FGD4: variants seen among roughly 807,000 people sequenced by gnomAD.
FGD4 encodes the protein FYVE, RhoGEF and PH domain-containing protein 4.
In FGD4, 42 loss-of-function variants were observed where a neutral mutation model predicts 102.0. The ratio of observed to expected loss-of-function variants is 0.41; its 90% CI spans 0.32 to 0.53. The LOEUF is 0.53. Among genes scored for constraint, FGD4 ranks in the 20% least tolerant of loss-of-function variants. The pLI is 0.21. For missense variants in FGD4, 902 were observed against 1,078.2 expected (o/e 0.84, Z 2.29); for synonymous variants, 380 against 375.7 (o/e 1.01, Z -0.13).
chr12:32,435,421 G>A (rs1357995351), intron 1 of FGD4, among the ~76,000 whole-genome samples: 1 of 151,566 alleles, frequency 6.6e-6, no homozygotes, highest in South Asian at 2.1e-4. Flanking sequence ...AAGTTATGAA[G>A]GATTAAATAG....
chr12:32,508,915 C>T (rs1432017936), intron 1 of FGD4, among the ~76,000 whole-genome samples: 4 of 152,220 alleles, frequency 2.6e-5, no homozygotes, highest in African/African-American at 4.8e-5. Flanking sequence ...TGTTTGGGTG[C>T]GTGCGCACAC....
At chr12:32,462,363 G>A (rs1320486864) in intron 1 of FGD4, among the ~76,000 whole-genome samples, 1 of 151,926 alleles carries the variant, frequency 6.6e-6, no homozygotes, top group Non-Finnish European at 1.5e-5. Flanking sequence ...GTTTCATCAT[G>A]TTGGCCAGAC....
chr12:32,417,209 T>G (rs1941454771), intron 1 of FGD4, among the ~76,000 whole-genome samples: 5 of 152,160 alleles, frequency 3.3e-5, no homozygotes, highest in Admixed American at 3.3e-4. Context: ...TCCTTTTCTT[T>G]CTGATTGAAG....
In FGD4 at chr12:32,582,411, GA is replaced by G; in HGVS notation, c.959del (p.Asn320MetfsTer17). On this transcript the variant is annotated frameshift_variant, in exon 4 of 17. Transcript: ENST00000534526. LOFTEE classifies it high-confidence loss of function. ...AACAGAAACCAAGGTACAAGAGAGG[GA>G]AAATGGGGAAAGCCCTCTGGAACTG... ...AETETKVQER[E>X]NGESPLELEQ... The G allele has an allele frequency of 6.2e-7, 1 of 1,613,770 alleles. No homozygotes were observed.
rs552906037 is a variant in FGD4, at chr12:32,534,256, G to T, written c.167-29881G>T. ...ATGTACTGCAGCAGTCCGTCCTCTGGGGAGGTGTGGCATGTTTTGCATAAG... is the reference window on the plus strand; with the variant it reads ...ATGTACTGCAGCAGTCCGTCCTCTGTGGAGGTGTGGCATGTTTTGCATAAG... On this transcript the variant is annotated intron_variant, in intron 1 of 16. Transcript: ENST00000534526. The T allele has an allele frequency of 3.1e-6, 4 of 1,273,332 alleles. No homozygotes were observed. In the South Asian group the frequency reaches 9.9e-5, roughly 32 times the overall value. The allele number at this position is 1,273,332 out of a possible 1,614,324, so 78.9% of individuals were successfully genotyped here.
At chr12:32,414,552 A>G (rs1202698772) in intron 1 of FGD4, among the ~76,000 whole-genome samples, 2 of 151,876 alleles carry the variant, frequency 1.3e-5, no homozygotes, top group South Asian at 2.1e-4. Flanking sequence ...TTTTGTACTC[A>G]TTAATCATCC....
At chr12:32,460,700 G>A (rs1274357885) in intron 1 of FGD4, among the ~76,000 whole-genome samples, 1 of 152,124 alleles carries the variant, frequency 6.6e-6, no homozygotes. Context: ...GGTCATTTGA[G>A]GATTGGTTTA....
intron 5 of FGD4, among the ~76,000 whole-genome samples, chr12:32,599,320 C>G (rs961880875): frequency 8.8e-5 from 13 of 147,530 alleles, no homozygotes; most frequent in Admixed American, 2.7e-4. Context: ...CGGTGAAACC[C>G]CGTCTCTACT....
rs1565921044 is a variant in FGD4 at position 32,624,970 on chromosome 12, CT to C, written c.1954-3del. 1 of 1,611,694 alleles carries C rather than the reference CT, an allele frequency of 6.2e-7. No homozygotes were observed. Among genetic ancestry groups the C allele is most frequent in the Admixed American group, 1.7e-5 (1 of 59,984 alleles). On this transcript the variant is annotated splice_region_variant and splice_polypyrimidine_tract_variant and intron_variant, in intron 12 of 16. Transcript: ENST00000534526. ...ATGTGTGCTTTGAATTTTACTTATACTTTAGGCCCTTCAAGAAACCATCGAT... is the reference window on the plus strand; with the variant it reads ...ATGTGTGCTTTGAATTTTACTTATACTTAGGCCCTTCAAGAAACCATCGAT...
intron 1 of FGD4, among the ~76,000 whole-genome samples, chr12:32,554,263 T>C (rs1308066687): frequency 6.6e-6 from 1 of 152,234 alleles, no homozygotes; most frequent in Non-Finnish European, 1.5e-5. Flanking sequence ...TAACTTTTTT[T>C]TTGTTTGTTT....
At chr12:32,508,168 A>C (rs1938981201) in intron 1 of FGD4, among the ~76,000 whole-genome samples, 1 of 152,228 alleles carries the variant, frequency 6.6e-6, no homozygotes, top group Non-Finnish European at 1.5e-5. Context: ...TTCTGATCTG[A>C]GGATGCTAAA....
At chr12:32,505,202 T>C (rs1247634769) in intron 1 of FGD4, among the ~76,000 whole-genome samples, 1 of 152,140 alleles carries the variant, frequency 6.6e-6, no homozygotes, top group Non-Finnish European at 1.5e-5. Context: ...TTTTGAGAAA[T>C]AGATGTACTG....
intron 1 of FGD4, among the ~76,000 whole-genome samples, chr12:32,518,200 T>C (rs1310932074): frequency 6.6e-6 from 1 of 152,176 alleles, no homozygotes; most frequent in African/African-American, 2.4e-5. Context: ...CAGTGTTCTA[T>C]GAAGGGTGGT....
chr12:32,444,859 TGTA>T (rs1942566031), intron 1 of FGD4, among the ~76,000 whole-genome samples: 1 of 152,216 alleles, frequency 6.6e-6, no homozygotes, highest in Admixed American at 6.5e-5. Flanking sequence ...GTTCCAAATT[TGTA>T]ATAATGTAAA....
chr12:32,482,856 C>A (rs1447930778), intron 1 of FGD4, among the ~76,000 whole-genome samples: 2 of 152,122 alleles, frequency 1.3e-5, no homozygotes, highest in South Asian at 2.1e-4. Context: ...TTAAATAGTT[C>A]AGGATTTGCA....
At chr12:32,484,920 A>G (rs564603786) in intron 1 of FGD4, among the ~76,000 whole-genome samples, 1 of 152,132 alleles carries the variant, frequency 6.6e-6, no homozygotes, top group Middle Eastern at 3.2e-3. Flanking sequence ...TTTTTTAAGA[A>G]ATGGCGCCTC....
At chr12:32,462,827 A>T (rs1943144028) in intron 1 of FGD4, among the ~76,000 whole-genome samples, 1 of 152,208 alleles carries the variant, frequency 6.6e-6, no homozygotes, top group South Asian at 2.1e-4. Context: ...AGCTCACCCC[A>T]CATTTACTTG....
chr12:32,494,061 T>C (rs147100301), intron 1 of FGD4, among the ~76,000 whole-genome samples: 1 of 152,186 alleles, frequency 6.6e-6, no homozygotes, highest in African/African-American at 2.4e-5. Flanking sequence ...GGAAGTGTTT[T>C]CTAAGAGTTG....
intron 1 of FGD4, among the ~76,000 whole-genome samples, chr12:32,557,973 C>A (rs1286944530): frequency 1.3e-5 from 2 of 151,990 alleles, no homozygotes; most frequent in Non-Finnish European, 2.9e-5. Context: ...CCTCATCAGC[C>A]GACCAGGGTT....
Sources: gnomAD v4.1 joint callset for allele counts (sites outside exome capture counted in the v4.1 genomes callset) on GRCh38, gnomAD v4.1.1 for gene constraint, MANE v1.5 for transcripts, NCBI Gene and HGNC (gene_info 2026-07-23, HGNC 2026-07-21) for gene names.